NXPE3: variants seen among roughly 807,000 people sequenced by gnomAD.
The protein encoded by NXPE3 is neurexophilin and PC-esterase domain family member 3, also known as NXPE family member 3.
Under a neutral mutation model 46.1 loss-of-function variants are expected in NXPE3, and 26 were observed. The observed-to-expected ratio is 0.56, with a 90% CI of 0.41 to 0.78. The LOEUF (loss-of-function observed/expected upper bound fraction) is 0.78. Among genes scored for constraint, NXPE3 ranks in the 30% least tolerant of loss-of-function variants. NXPE3 has a pLI of 0.00. For synonymous variants in NXPE3, 272 were observed against 257.9 expected (o/e 1.05, Z -0.52); for missense variants, 620 against 686.0 (o/e 0.90, Z 1.07).
intron 5 of NXPE3, among the ~76,000 whole-genome samples, chr3:101,802,837 A>G (rs2107301965): frequency 6.6e-6 from 1 of 152,064 alleles, no homozygotes; most frequent in Middle Eastern, 3.4e-3. Flanking sequence ...TCAACATTCC[A>G]TAACATCACT....
rs58006464 is a variant in NXPE3, at chr3:101,808,818, G to GATATATATATATATAT, written c.922+1715_922+1730dup. 7.9e-3 allele frequency among the ~76,000 whole-genome samples: 242 copies of GATATATATATATATAT among 30,738 alleles called. 12 individuals are homozygous for GATATATATATATATAT. Among genetic ancestry groups the GATATATATATATATAT allele is most frequent in the South Asian group, 0.015 (8 of 540 alleles). 20.2% of individuals were successfully genotyped at this position (30,738 alleles called of 152,430 possible). On this transcript the variant is annotated intron_variant, in intron 6 of 7. Coordinates refer to ENST00000273347, the MANE Select transcript of NXPE3 (RefSeq NM_145037.4). ...ACCAAATGAATTACTAATTTTAGAG[G>GATATATATATATATAT]ATATATATATATATATATATATATA...
At position 101,816,912 on chromosome 3, in the gene NXPE3, T is replaced by C; in HGVS notation, c.1040T>C (p.Ile347Thr). 1 of 1,614,124 alleles carries C rather than the reference T, an allele frequency of 6.2e-7. No individual in the cohort carries two copies. The highest frequency in any genetic ancestry group is 2.2e-5 in the East Asian group (1 of 44,868). The change falls in exon 7 of 8, where the codon ATT becomes ACT. Residue 347 changes from isoleucine to threonine, a missense_variant. Ile to Thr is a moderately conservative substitution (Grantham distance 89). This residue lies in a region of NXPE3 where 511 missense variants were observed against 528.6 expected (regional missense o/e 0.97). Coordinates refer to ENST00000273347, the MANE Select transcript of NXPE3 (RefSeq NM_145037.4). ...CGTCAGTTTAATGACCCTGACAACATTACAGAGTGCTTACAAAGAAAAGTG... is the reference window on the plus strand; with the variant it reads ...CGTCAGTTTAATGACCCTGACAACACTACAGAGTGCTTACAAAGAAAAGTG... Reference protein sequence around the residue: ...KMRQFNDPDNITECLQRKVVH... With the variant: ...KMRQFNDPDNTTECLQRKVVH...
At chr3:101,785,730 G>A (rs768369485) in intron 4 of NXPE3, 41 bp downstream of exon 4, 2 of 1,538,884 alleles carry the variant, frequency 1.3e-6, no homozygotes, top group South Asian at 2.2e-5. Context: ...AGGGAGCCGA[G>A]TCTGGGGATC....
rs1942304960 is a variant in NXPE3, at chr3:101,822,552, T to G, written c.*598T>G. 6.6e-6 allele frequency: 1 copy of G among 152,296 alleles called. No homozygotes were observed. The highest frequency in any genetic ancestry group is 1.5e-5 in the Non-Finnish European group (1 of 68,122). The allele number at this position is 152,296 out of a possible 1,614,324, so 9.4% of individuals were successfully genotyped here. A position where few individuals can be genotyped will look rare whatever the true frequency, so the allele number is the denominator to read the frequency against. The stretch of plus-strand genomic sequence containing the variant: ...TTAGTGAATATTTACAATTTCCTGC[T>G]TTTATCTAGAAAAGAAGCAAAAGGG... On this transcript the variant is annotated 3_prime_UTR_variant, in exon 8 of 8. Coordinates refer to ENST00000273347, the MANE Select transcript of NXPE3 (RefSeq NM_145037.4).
At chr3:101,786,612 G>T (rs1318172828) in intron 4 of NXPE3, among the ~76,000 whole-genome samples, 1 of 152,134 alleles carries the variant, frequency 6.6e-6, no homozygotes, top group East Asian at 1.9e-4. Flanking sequence ...TAGGCTTAAG[G>T]CATAAAAGCT....
rs771005665 is a variant in NXPE3, at chr3:101,807,089, A to C, written c.885A>C (p.Gly295=). 6.2e-7 allele frequency: 1 copy of C among 1,613,502 alleles called. No homozygotes were observed. Among genetic ancestry groups the C allele is most frequent in the South Asian group, 1.1e-5 (1 of 91,050 alleles). ...VNIKMPVNSS[G]PDWVTVIPRR... ...TCAAAATGCCAGTCAACTCCAGTGG[A>C]CCTGATTGGGTAACTGTGATTCCCA... The change falls in exon 6 of 8, where the codon GGA becomes GGC. Residue 295 remains glycine, a synonymous_variant. Coordinates refer to ENST00000273347, the MANE Select transcript of NXPE3 (RefSeq NM_145037.4).
chr3:101,786,570 T>C (rs925469758), intron 4 of NXPE3, among the ~76,000 whole-genome samples: 1 of 152,208 alleles, frequency 6.6e-6, no homozygotes, highest in Non-Finnish European at 1.5e-5. Flanking sequence ...GTAATTCTGT[T>C]AAAGATTCTG....
At chr3:101,783,687 C>A (rs1294286288) in intron 3 of NXPE3, among the ~76,000 whole-genome samples, 1 of 152,216 alleles carries the variant, frequency 6.6e-6, no homozygotes, top group African/African-American at 2.4e-5. Flanking sequence ...AATGCATGAC[C>A]ACACCTGCCT....
Position 101,816,843 on chromosome 3 carries a change from G to C in NXPE3, c.971G>C (p.Gly324Ala). ...LSQGSGTFPS[G>A]YYYKDQWRPR... ...CAAGGCTCAGGAACTTTTCCTTCTG[G>C]GTATTATTATAAAGACCAGTGGAGG... The change falls in exon 7 of 8, where the codon GGG becomes GCG. Residue 324 changes from glycine (G) to alanine (A), a missense_variant. Gly to Ala is a moderately conservative substitution (Grantham distance 60). This residue lies in a region of NXPE3 where 511 missense variants were observed against 528.6 expected (regional missense o/e 0.97). Transcript: ENST00000273347. The C allele has an allele frequency of 6.2e-7, 1 of 1,613,976 alleles. No individual in the cohort carries two copies. Among genetic ancestry groups the C allele is most frequent in the Non-Finnish European group, 8.5e-7 (1 of 1,179,968 alleles).
chr3:101,793,515 G>A (rs1289278814), intron 4 of NXPE3, among the ~76,000 whole-genome samples: 2 of 150,510 alleles, frequency 1.3e-5, no homozygotes, highest in Non-Finnish European at 3.0e-5. Context: ...TTTTTTGAAA[G>A]CATTATGGTT....
intron 6 of NXPE3, among the ~76,000 whole-genome samples, chr3:101,813,808 C>T (rs1941834368): frequency 6.6e-6 from 1 of 152,166 alleles, no homozygotes; most frequent in Admixed American, 6.5e-5. Flanking sequence ...AGTTATCTTA[C>T]ATGAACTGCA....
rs1261141520 is a variant in NXPE3 at position 101,826,196 on chromosome 3, G to A, written c.*4242G>A. On this transcript the variant is annotated 3_prime_UTR_variant, in exon 8 of 8. Transcript: ENST00000273347. ...TACTTGACAAGAATAAATATGGTAC[G>A]CCTTTATATATTCATGTGTTACATG... The A allele has an allele frequency of 1.3e-5, 2 of 152,240 alleles. No individual in the cohort carries two copies. Among genetic ancestry groups the A allele is most frequent in the South Asian group, 2.1e-4 (1 of 4,830 alleles). 9.4% of individuals were successfully genotyped at this position (152,240 alleles called of 1,614,324 possible). A position where few individuals can be genotyped will look rare whatever the true frequency, so the allele number is the denominator to read the frequency against.
rs781753908 is a variant in NXPE3 at position 101,785,580 on chromosome 3, C to CAAGA, written c.-16_-13dup. 3.7e-6 allele frequency: 6 copies of CAAGA among 1,611,620 alleles called. No homozygotes were observed. The highest frequency in any genetic ancestry group is 8.5e-7 in the Non-Finnish European group (1 of 1,177,836). ...TAGCATGGTGTCGGCCATGGGTGAA[C>CAAGA]AAGACACAGCCAGACAATGTGGACC... On this transcript the variant is annotated 5_prime_UTR_variant, in exon 4 of 8. Coordinates refer to ENST00000273347, the MANE Select transcript of NXPE3 (RefSeq NM_145037.4).
Position 101,816,991 on chromosome 3 carries a change from A to G in NXPE3, c.1119A>G (p.Thr373=), listed in dbSNP as rs756199040. The G allele has an allele frequency of 1.9e-6, 3 of 1,613,992 alleles. No individual in the cohort carries two copies. The highest frequency in any genetic ancestry group is 1.7e-6 in the Non-Finnish European group (2 of 1,179,924). Residue 373 remains threonine (T), a synonymous_variant, in exon 7 of 8, where the codon ACA becomes ACG. Coordinates refer to ENST00000273347, the MANE Select transcript of NXPE3 (RefSeq NM_145037.4). The stretch of plus-strand genomic sequence containing the variant: ...GGCAATGGTTTGAATACCTTACTAC[A>G]TTTGTTCCAGGTTGGTACTGTGCCT... The part of the protein sequence containing the change: ...TIRQWFEYLT[T]FVPDLVEFNL...
At chr3:101,820,483 C>G (rs979602657) in intron 7 of NXPE3, among the ~76,000 whole-genome samples, 1 of 152,176 alleles carries the variant, frequency 6.6e-6, no homozygotes, top group Non-Finnish European at 1.5e-5. Flanking sequence ...CCTCAAAGAG[C>G]TAAAAGCAGA....
intron 5 of NXPE3, among the ~76,000 whole-genome samples, chr3:101,802,677 A>G (rs1041282396): frequency 6.6e-6 from 1 of 151,992 alleles, no homozygotes; most frequent in Non-Finnish European, 1.5e-5. Context: ...TATATTTTTT[A>G]AGCTAAATAG....
intron 6 of NXPE3, among the ~76,000 whole-genome samples, chr3:101,809,501 A>G (rs1161433939): frequency 4.6e-5 from 7 of 152,186 alleles, no homozygotes; most frequent in Non-Finnish European, 7.4e-5. Flanking sequence ...GCATTCATCA[A>G]GGTTCATCAG....
At position 101,816,976 on chromosome 3, in the gene NXPE3, T is replaced by C; in HGVS notation, c.1104T>C (p.Phe368=). 5.0e-6 allele frequency: 8 copies of C among 1,614,182 alleles called. No individual in the cohort carries two copies. The highest frequency in any genetic ancestry group is 5.9e-6 in the Non-Finnish European group (7 of 1,180,002). ...LFGDSTIRQW[F]EYLTTFVPDL... ...GTGACTCAACAATCAGGCAATGGTTTGAATACCTTACTACATTTGTTCCAG... is the reference window on the plus strand; with the variant it reads ...GTGACTCAACAATCAGGCAATGGTTCGAATACCTTACTACATTTGTTCCAG... The change falls in exon 7 of 8, where the codon TTT becomes TTC. Residue 368 remains phenylalanine (F), a synonymous_variant. Coordinates refer to ENST00000273347, the MANE Select transcript of NXPE3 (RefSeq NM_145037.4).
At chr3:101,785,774 C>T (rs1438333537) in intron 4 of NXPE3, 85 bp downstream of exon 4, 9 of 1,106,990 alleles carry the variant, frequency 8.1e-6, no homozygotes, top group Admixed American at 1.7e-5. Context: ...CGTTGGTTAT[C>T]GGAAGATTAT....
Sources: gnomAD v4.1 joint callset for allele counts (sites outside exome capture counted in the v4.1 genomes callset) on GRCh38, gnomAD v4.1.1 for gene constraint, gnomAD v4.1.1 regional missense constraint, MANE v1.5 for transcripts, NCBI Gene and HGNC (gene_info 2026-07-23, HGNC 2026-07-21) for gene names.